HS3ST1: variants seen among roughly 807,000 people sequenced by gnomAD.
HS3ST1 encodes heparan sulfate-glucosamine 3-sulfotransferase 1, also known as heparan sulfate glucosamine 3-O-sulfotransferase 1.
A neutral mutation model predicts 20.7 loss-of-function variants in HS3ST1; 8 were observed. The observed-to-expected ratio is 0.39, with a 90% CI of 0.23 to 0.70. HS3ST1 has a LOEUF of 0.70. Among genes scored for constraint, HS3ST1 ranks in the 30% least tolerant of loss-of-function variants. The probability of loss-of-function intolerance (pLI) is 0.46; values close to 1 mark genes in which losing one functional copy is unlikely to be tolerated. For missense variants in HS3ST1, 436 were observed against 423.4 expected, an observed-to-expected ratio of 1.03 and a Z score of -0.26; for synonymous variants, 205 against 190.4, an observed-to-expected ratio of 1.08 and a Z score of -0.63.
At chr4:11,400,420 TG>T (rs1718292238) in intron 1 of HS3ST1, among the ~76,000 whole-genome samples, 2 of 152,210 alleles carry the variant, frequency 1.3e-5, no homozygotes, top group South Asian at 2.1e-4. Flanking sequence ...TTATGGGCAC[TG>T]AGTGAATTTC....
At chr4:11,415,024 T>A (rs536335283) in intron 1 of HS3ST1, among the ~76,000 whole-genome samples, 5 of 152,198 alleles carry the variant, frequency 3.3e-5, no homozygotes, top group African/African-American at 1.2e-4. Flanking sequence ...ACACTGCCAA[T>A]CCAATGAGAT....
chr4:11,407,347 C>G (rs540509727), intron 1 of HS3ST1, among the ~76,000 whole-genome samples: 2 of 152,266 alleles, frequency 1.3e-5, no homozygotes, highest in East Asian at 3.9e-4. Context: ...TCGAATATCT[C>G]CTCCTCTAGC....
In HS3ST1 at chr4:11,399,054, A is replaced by C. The variant is rs761514236; in HGVS notation, c.*28T>G. The C allele has an allele frequency of 1.3e-6, 2 of 1,575,724 alleles. No individual in the cohort carries two copies. Among genetic ancestry groups the C allele is most frequent in the East Asian group, 4.5e-5 (2 of 44,324 alleles). The stretch of plus-strand genomic sequence containing the variant: ...GATGTACACCAGAACTTACAGTAGG[A>C]AAGTTTCTGAGCTTAGCTTATTGCA... On this transcript the variant is annotated 3_prime_UTR_variant, in exon 2 of 2. Transcript: ENST00000002596. The surrounding 1 kb of genome is among the most constrained non-coding windows in gnomAD (Gnocchi z 5.1).
At chr4:11,415,598 G>T (rs1718754995) in intron 1 of HS3ST1, among the ~76,000 whole-genome samples, 2 of 152,164 alleles carry the variant, frequency 1.3e-5, no homozygotes, top group African/African-American at 2.4e-5. Context: ...TCTGAAAATT[G>T]ATGAGTAAGA....
At chr4:11,430,742 G>T (rs1017034005), upstream of HS3ST1, among the ~76,000 whole-genome samples, 1 of 152,204 alleles carries the variant, frequency 6.6e-6, no homozygotes, top group African/African-American at 2.4e-5. Context: ...TGGAACCCCA[G>T]GTCTCCAGCC....
In HS3ST1 at chr4:11,394,944, A is replaced by G. The variant is rs1360051240; in HGVS notation, c.*4138T>C. 1 of 152,226 alleles carries G rather than the reference A, an allele frequency of 6.6e-6. No individual in the cohort carries two copies. The highest frequency in any genetic ancestry group is 1.5e-5 in the Non-Finnish European group (1 of 68,042). 9.4% of individuals were successfully genotyped at this position (152,226 alleles called of 1,614,324 possible). Reference sequence around the variant, plus strand: ...ATTTTTATGCAACAGATACACCTGCACAGGAGCCAAATTCACATGGGTGCC... The same window carrying G: ...ATTTTTATGCAACAGATACACCTGCGCAGGAGCCAAATTCACATGGGTGCC... On this transcript the variant is annotated 3_prime_UTR_variant, in exon 2 of 2. Transcript: ENST00000002596.
At chr4:11,408,802 A>G (rs1248016319) in intron 1 of HS3ST1, among the ~76,000 whole-genome samples, 4 of 152,232 alleles carry the variant, frequency 2.6e-5, no homozygotes, top group Admixed American at 2.6e-4. Context: ...GACAGGAGAC[A>G]GGACCTGGGC....
chr4:11,422,404 C>G (rs1289899425), intron 1 of HS3ST1, among the ~76,000 whole-genome samples: 1 of 152,150 alleles, frequency 6.6e-6, no homozygotes, highest in South Asian at 2.1e-4. Context: ...AGAAAGTAAG[C>G]AAATAAGCCA....
At chr4:11,409,679 T>C (rs1278761924) in intron 1 of HS3ST1, among the ~76,000 whole-genome samples, 1 of 152,230 alleles carries the variant, frequency 6.6e-6, no homozygotes, top group Non-Finnish European at 1.5e-5. Flanking sequence ...GCAAGGTATT[T>C]GATGATAGCA....
rs1718276774 is a variant in HS3ST1, at chr4:11,399,962, G to A, written c.44C>T (p.Pro15Leu). ...LLGAVLLVAQPQLVPSRPAEL... is the reference protein window; with the variant it reads ...LLGAVLLVAQLQLVPSRPAEL... Reference sequence around the variant, plus strand: ...GGCGGGGCGGGAAGGCACTAGCTGGGGCTGGGCCACCAGCAGCACCGCGCC... The same window carrying A: ...GGCGGGGCGGGAAGGCACTAGCTGGAGCTGGGCCACCAGCAGCACCGCGCC... The change falls in exon 2 of 2, where the codon CCC becomes CTC. Residue 15 changes from proline (P) to leucine (L), a missense_variant. By Grantham distance (98) the Pro-to-Leu change is moderately conservative. Coordinates refer to ENST00000002596, the MANE Select transcript of HS3ST1 (RefSeq NM_005114.4). This position sits in a 1 kb window ranked among gnomAD's most constrained non-coding sequence, Gnocchi z 5.1. 1.3e-6 allele frequency: 2 copies of A among 1,555,858 alleles called. No individual in the cohort carries two copies. The highest frequency in any genetic ancestry group is 2.7e-5 in the African/African-American group (2 of 73,658).
intron 1 of HS3ST1, among the ~76,000 whole-genome samples, chr4:11,407,775 A>G (rs1317563049): frequency 6.6e-6 from 1 of 152,240 alleles, no homozygotes; most frequent in East Asian, 1.9e-4. Flanking sequence ...GTCACTTGGA[A>G]AGCCAGTTAC....
intron 1 of HS3ST1, chr4:11,414,300 TGA>T (rs1428225501): frequency 2.1e-5 from 3 of 145,766 alleles, no homozygotes; most frequent in Non-Finnish European, 3.0e-5. Context: ...TGTCTCTCTT[TGA>T]GTGTGTGTGT....
chr4:11,407,418 C>G (rs1467564760), intron 1 of HS3ST1, among the ~76,000 whole-genome samples: 1 of 152,128 alleles, frequency 6.6e-6, no homozygotes, highest in Non-Finnish European at 1.5e-5. Context: ...AAACGTTTAA[C>G]TGGATAATAA....
At chr4:11,423,797 T>C (rs925334696) in intron 1 of HS3ST1, among the ~76,000 whole-genome samples, 4 of 152,232 alleles carry the variant, frequency 2.6e-5, no homozygotes, top group South Asian at 2.1e-4. Context: ...GTGCTCCATG[T>C]CCCTACACTC....
chr4:11,426,647 A>T (rs1719068879), intron 1 of HS3ST1, among the ~76,000 whole-genome samples: 1 of 152,204 alleles, frequency 6.6e-6, no homozygotes, highest in Non-Finnish European at 1.5e-5. Flanking sequence ...CAGCTTAATA[A>T]GCCTCACTAA....
At chr4:11,422,701 C>A (rs1040915919) in intron 1 of HS3ST1, among the ~76,000 whole-genome samples, 8 of 151,998 alleles carry the variant, frequency 5.3e-5, no homozygotes, top group African/African-American at 1.9e-4. Context: ...TCTCCAAGGG[C>A]ACAAGCACAC....
At position 11,401,348 on chromosome 4, in the gene HS3ST1, AT is replaced by A. The variant is rs57710102; in HGVS notation, c.-108-1236del. 5.6e-3 allele frequency among the ~76,000 whole-genome samples: 797 copies of A among 141,834 alleles called. 9 individuals carry two copies. The highest frequency in any genetic ancestry group is 0.018 in the Middle Eastern group (5 of 272). 93.0% of individuals were successfully genotyped at this position (141,834 alleles called of 152,430 possible). A position where few individuals can be genotyped will look rare whatever the true frequency, so the allele number is the denominator to read the frequency against. ...GGAAGGCAAGGCAGATGTCACCGCC[AT>A]TTTTTTTTTTTTTTTATGGAGTTTT... On this transcript the variant is annotated intron_variant, in intron 1 of 1. Coordinates refer to ENST00000002596, the MANE Select transcript of HS3ST1 (RefSeq NM_005114.4).
rs370151680 is a variant in HS3ST1, at chr4:11,395,208, C to T, written c.*3874G>A. 49 of 152,240 alleles carry T rather than the reference C, an allele frequency of 3.2e-4. No homozygotes were observed. Among genetic ancestry groups the T allele is most frequent in the African/African-American group, 9.6e-4 (40 of 41,552 alleles). The allele number at this position is 152,240 out of a possible 1,614,324, so 9.4% of individuals were successfully genotyped here. Reference sequence around the variant, plus strand: ...ATGGCAATTCCTCCATGAAGCCTTCCCACAGGAAGGTCAGGGTCTCTGTGG... The same window carrying T: ...ATGGCAATTCCTCCATGAAGCCTTCTCACAGGAAGGTCAGGGTCTCTGTGG... On this transcript the variant is annotated 3_prime_UTR_variant, in exon 2 of 2. Transcript: ENST00000002596.
chr4:11,432,505 A>G (rs1320385594), upstream of HS3ST1, among the ~76,000 whole-genome samples: 1 of 152,200 alleles, frequency 6.6e-6, no homozygotes, highest in Non-Finnish European at 1.5e-5. Context: ...CTTGTTGGGT[A>G]TTGTTTAATT....
Sources: allele counts gnomAD v4.1 joint callset (sites outside exome capture counted in the v4.1 genomes callset), GRCh38; gene constraint gnomAD v4.1.1; non-coding constraint Gnocchi (gnomAD v3.1); transcripts MANE v1.5; gene names NCBI Gene and HGNC (gene_info 2026-07-23, HGNC 2026-07-21).